Variants in NNT observed in about 807,000 individuals in gnomAD.
The protein encoded by NNT is nicotinamide nucleotide transhydrogenase.
NNT carries 50 observed loss-of-function variants against 104.8 expected under a neutral mutation model. That is an observed-to-expected ratio of 0.48 (90% CI 0.38 to 0.60). The LOEUF (loss-of-function observed/expected upper bound fraction) is 0.60, where lower values mean the gene tolerates loss of function less well. Ranked by LOEUF, NNT falls within the 20% of genes least tolerant of loss-of-function variation. NNT has a pLI of 0.00. For synonymous variants in NNT, 461 were observed against 490.4 expected, an observed-to-expected ratio of 0.94 and a Z score of 0.79; for missense variants, 1,131 against 1,330.7, an observed-to-expected ratio of 0.85 and a Z score of 2.33.
intron 17 of NNT, among the ~76,000 whole-genome samples, chr5:43,671,451 C>T (rs1741082417): frequency 6.6e-6 from 1 of 152,168 alleles, no homozygotes; most frequent in Non-Finnish European, 1.5e-5. Flanking sequence ...GTAGTGCTTC[C>T]TTCAGGAGCT....
At chr5:43,607,209 CT>C (rs1749270540) in intron 1 of NNT, among the ~76,000 whole-genome samples, 5 of 152,270 alleles carry the variant, frequency 3.3e-5, no homozygotes, top group Admixed American at 3.3e-4. Flanking sequence ...CCCCTGTGAT[CT>C]GCACGTATAC....
chr5:43,671,890 G>C (rs112871611), intron 17 of NNT, among the ~76,000 whole-genome samples: 1 of 152,138 alleles, frequency 6.6e-6, no homozygotes, highest in African/African-American at 2.4e-5. Flanking sequence ...TTCCAACTTG[G>C]TTCCATTCTC....
intron 19 of NNT, among the ~76,000 whole-genome samples, chr5:43,699,902 A>G (rs958828590): frequency 3.3e-5 from 5 of 152,198 alleles, no homozygotes; most frequent in Non-Finnish European, 7.3e-5. Context: ...GAGGGAAGTT[A>G]TAGTTTCTGC....
At chr5:43,685,730 C>A (rs1437286383) in intron 19 of NNT, among the ~76,000 whole-genome samples, 1 of 152,024 alleles carries the variant, frequency 6.6e-6, no homozygotes, top group African/African-American at 2.4e-5. Flanking sequence ...GTGGTAGGAC[C>A]CATGTGGTGA....
Position 43,704,605 on chromosome 5 carries a change from T to C in NNT, c.*201T>C. On this transcript the variant is annotated 3_prime_UTR_variant, in exon 22 of 22. Transcript: ENST00000344920. ...TCAATTTTAAAAAAGGATTGAAAAT[T>C]CTAAATGTCTTTCTGTGCATATTTT... is the stretch of plus-strand genomic sequence containing the variant. 2.1e-6 allele frequency: 1 copy of C among 476,472 alleles called. No individual in the cohort carries two copies. Among genetic ancestry groups the C allele is most frequent in the Non-Finnish European group, 3.6e-6 (1 of 275,312 alleles). 29.5% of individuals were successfully genotyped at this position (476,472 alleles called of 1,614,324 possible).
chr5:43,702,625 T>G lies in NNT; in HGVS notation c.3000T>G (p.Thr1000=), dbSNP rs1164120507. Residue 1000 remains threonine (T), a synonymous_variant, in exon 21 of 22, where the codon ACT becomes ACG. Transcript: ENST00000344920. The stretch of plus-strand genomic sequence containing the variant: ...CTTTTTTGTTTTATTATATAGATAC[T>G]GATTTGGTCCTTGTAATTGGAGCTA... ...MDEINHDFPD[T]DLVLVIGAND... is the part of the protein sequence containing the mutation. The G allele has an allele frequency of 3.1e-6, 5 of 1,597,326 alleles. No homozygotes were observed. Among genetic ancestry groups the G allele is most frequent in the Non-Finnish European group, 4.3e-6 (5 of 1,170,154 alleles).
In NNT at chr5:43,659,219, A is replaced by G. The variant is rs756236184; in HGVS notation, c.2503A>G (p.Ile835Val). The G allele has an allele frequency of 1.9e-6, 3 of 1,613,580 alleles. No individual in the cohort carries two copies. The South Asian group carries it at 3.3e-5, about 18-fold the overall frequency. ...AIGGADMPVV[I>V]TVLNSYSGWA... ...TGGGGGTGCTGACATGCCCGTCGTTATCACTGTGCTGAACAGCTACTCAGG... is the reference window on the plus strand; with the variant it reads ...TGGGGGTGCTGACATGCCCGTCGTTGTCACTGTGCTGAACAGCTACTCAGG... The change falls in exon 17 of 22, where the codon ATC (isoleucine) becomes GTC (valine). Residue 835 changes from isoleucine (I) to valine (V), a missense_variant. Transcript: ENST00000344920.
chr5:43,662,316 T>C (rs1047262874), intron 17 of NNT, among the ~76,000 whole-genome samples: 2 of 152,188 alleles, frequency 1.3e-5, no homozygotes, highest in African/African-American at 2.4e-5. Context: ...TAAGAGGTAC[T>C]TGTTGAAAGT....
At chr5:43,613,167 C>G (rs990817286) in intron 3 of NNT, 30 bp downstream of exon 3, 2 of 1,518,970 alleles carry the variant, frequency 1.3e-6, no homozygotes, top group Non-Finnish European at 1.8e-6. Flanking sequence ...CTCCCATTTA[C>G]AGCATGCTGA....
intron 19 of NNT, among the ~76,000 whole-genome samples, chr5:43,695,828 G>A (rs960301071): frequency 6.6e-6 from 1 of 152,196 alleles, no homozygotes; most frequent in Non-Finnish European, 1.5e-5. Context: ...AGCCAAAAAA[G>A]AGAGCTTGTG....
At chr5:43,632,284 G>A (rs1378689406) in intron 7 of NNT, among the ~76,000 whole-genome samples, 2 of 152,192 alleles carry the variant, frequency 1.3e-5, no homozygotes, top group Admixed American at 6.5e-5. Flanking sequence ...AGGGGATTAA[G>A]TCAAATGTCA....
In NNT at chr5:43,607,029, C is replaced by CCAGGCTGG. The variant is rs373979652; in HGVS notation, c.-53-2097_-53-2090dup. ...TTGAGACAGAGTCTTGCTCTCTCGC[C>CCAGGCTGG]CAGGCTGGCAGGCTGGCAGGCTGGA... On this transcript the variant is annotated intron_variant, in intron 1 of 21. Transcript: ENST00000344920. Among the ~76,000 whole-genome samples, 715 of 151,838 alleles carry CCAGGCTGG rather than the reference C, an allele frequency of 4.7e-3. 8 individuals are homozygous for CCAGGCTGG. Among genetic ancestry groups the CCAGGCTGG allele is most frequent in the African/African-American group, 0.017 (683 of 41,366 alleles).
chr5:43,613,081 G>A lies in NNT; in HGVS notation c.325G>A (p.Ala109Thr). Residue 109 changes from alanine (A) to threonine (T), a missense_variant, in exon 3 of 22, where the codon GCA becomes ACA. Physicochemically the swap from Ala to Thr is moderately conservative, Grantham distance 58. Transcript: ENST00000344920. ...GTTCTCAGATGATCACTATAGAGTG[G>A]CAGGTGCCCAAATCCAAGGGGCAAA... ...SKFSDDHYRV[A>T]GAQIQGAKEV... 1 of 1,614,098 alleles carries A rather than the reference G, an allele frequency of 6.2e-7. No individual in the cohort carries two copies. The highest frequency in any genetic ancestry group is 8.5e-7 in the Non-Finnish European group (1 of 1,180,002).
At position 43,677,764 on chromosome 5, in the gene NNT, C is replaced by G; in HGVS notation, c.2834C>G (p.Ala945Gly). 1 of 1,613,670 alleles carries G rather than the reference C, an allele frequency of 6.2e-7. No homozygotes were observed. The highest frequency in any genetic ancestry group is 8.5e-7 in the Non-Finnish European group (1 of 1,179,676). Residue 945 changes from alanine (A) to glycine (G), a missense_variant, in exon 19 of 22, where the codon GCT becomes GGT. Coordinates refer to ENST00000344920, the MANE Select transcript of NNT (RefSeq NM_182977.3). ...LCAAKAQYPI[A>G]DLVKMLTEQG... ...GCAGCCAAAGCTCAATACCCCATTG[C>G]TGATTTGGTAAAGATGCTCACTGAG...
At chr5:43,613,238 A>G (rs1749596829) in intron 3 of NNT, 101 bp downstream of exon 3, 2 of 877,214 alleles carry the variant, frequency 2.3e-6, no homozygotes, top group African/African-American at 1.7e-5. Flanking sequence ...ACCTTTTCCT[A>G]TTTTCAAACA....
chr5:43,662,893 C>CA (rs34800286), intron 17 of NNT, among the ~76,000 whole-genome samples: 2,712 of 79,442 alleles, frequency 0.034, 60 homozygotes, highest in African/African-American at 0.085. Flanking sequence ...GACCCTGTCT[C>CA]AAAAAAAAAA....
At chr5:43,632,487 C>G (rs1018133659) in intron 7 of NNT, among the ~76,000 whole-genome samples, 3 of 152,168 alleles carry the variant, frequency 2.0e-5, no homozygotes, top group Non-Finnish European at 4.4e-5. Context: ...TGAACTTGTA[C>G]TTACGTAGAT....
intron 19 of NNT, among the ~76,000 whole-genome samples, chr5:43,699,132 T>G (rs539608232): frequency 2.1e-4 from 32 of 152,202 alleles, no homozygotes; most frequent in South Asian, 1.2e-3. Context: ...TAAAAAACTT[T>G]AAAGACCTCA....
intron 19 of NNT, among the ~76,000 whole-genome samples, chr5:43,679,838 A>G (rs1741607303): frequency 1.3e-5 from 2 of 152,132 alleles, no homozygotes; most frequent in East Asian, 3.9e-4. Flanking sequence ...AGAGCTTTTC[A>G]TTGCTTCACA....
Sources: gnomAD v4.1 joint callset for allele counts (sites outside exome capture counted in the v4.1 genomes callset) on GRCh38, gnomAD v4.1.1 for gene constraint, MANE v1.5 for transcripts, NCBI Gene and HGNC (gene_info 2026-07-23, HGNC 2026-07-21) for gene names.